Variants in MESP1 observed in about 807,000 individuals in gnomAD.
The protein encoded by MESP1 is mesoderm posterior bHLH transcription factor 1, also known as mesoderm posterior protein 1.
In MESP1, 22 loss-of-function variants were observed where a neutral mutation model predicts 15.2. The ratio of observed to expected loss-of-function variants is 1.45; its 90% confidence interval spans 1.04 to 2.07. The LOEUF (loss-of-function observed/expected upper bound fraction) is 2.07, where lower values mean the gene tolerates loss of function less well. Among genes scored for constraint, MESP1 ranks in the 30% most tolerant of loss-of-function variants. MESP1 has a pLI of 0.00. For synonymous variants in MESP1, 216 were observed against 192.6 expected, an observed-to-expected ratio of 1.12 and a Z score of -1.01; for missense variants, 484 against 411.9, an observed-to-expected ratio of 1.17 and a Z score of -1.51.
chr15:89,748,582 A>G (rs532260993), downstream of MESP1: 7 of 152,378 alleles, frequency 4.6e-5, no homozygotes, highest in South Asian at 1.2e-3. Context: ...AATAAAAAGA[A>G]ACGAAGTTCT....
At chr15:89,748,174 G>A (rs565019312), downstream of MESP1, among the ~76,000 whole-genome samples, 36 of 152,344 alleles carry the variant, frequency 2.4e-4, no homozygotes, top group East Asian at 5.8e-4. Flanking sequence ...ATTCTAAAAC[G>A]CAGGGCCTTT....
chr15:89,735,697 G>T, the MESP1 span: 1 of 806,070 alleles, frequency 1.2e-6, no homozygotes, highest in Non-Finnish European at 2.0e-6. Flanking sequence ...CAAATAGAAA[G>T]AGAAAGAACC....
the MESP1 span, chr15:89,743,305 G>T: frequency 6.2e-7 from 1 of 1,614,202 alleles, no homozygotes; most frequent in Non-Finnish European, 8.5e-7. Context: ...TCGGAAGCTG[G>T]AGAAGAACCC....
At chr15:89,747,687 C>A (rs988172859), downstream of MESP1, among the ~76,000 whole-genome samples, 2 of 152,216 alleles carry the variant, frequency 1.3e-5, no homozygotes, top group African/African-American at 4.8e-5. Flanking sequence ...ATTACGCACA[C>A]AGGTCTGGAG....
chr15:89,737,489 C>T, the MESP1 span: 4 of 1,543,900 alleles, frequency 2.6e-6, no homozygotes, highest in East Asian at 6.8e-5. Context: ...TTCTCTCATT[C>T]CTTACTGGGG....
downstream of MESP1, among the ~76,000 whole-genome samples, chr15:89,746,782 T>C (rs1216191437): frequency 2.5e-4 from 9 of 35,326 alleles, no homozygotes; most frequent in Admixed American, 1.3e-3. Flanking sequence ...CACACAGCCC[T>C]ACCTCCCCAC....
At chr15:89,747,164 G>C (rs1967987138), downstream of MESP1, among the ~76,000 whole-genome samples, 1 of 148,426 alleles carries the variant, frequency 6.7e-6, no homozygotes, top group South Asian at 2.1e-4. Flanking sequence ...CTTGCTGCCA[G>C]GGCTCTTGCA....
chr15:89,743,712 T>G, the MESP1 span: 6 of 311,362 alleles, frequency 1.9e-5, no homozygotes, highest in South Asian at 2.5e-4. Flanking sequence ...GATGATGGTT[T>G]CAACCAGAGT....
intron 1 of MESP1, 91 bp from the exon 2 acceptor site, chr15:89,750,318 T>C (rs933430171): frequency 6.4e-7 from 1 of 1,567,624 alleles, no homozygotes; most frequent in African/African-American, 1.4e-5. Flanking sequence ...AGGGGGCCCC[T>C]AGCGAGGGGA....
At chr15:89,748,866 T>C (rs1042935368), downstream of MESP1, 1 of 152,292 alleles carries the variant, frequency 6.6e-6, no homozygotes, top group East Asian at 1.9e-4. Context: ...AGCCATTCAG[T>C]TGTTAAAAGA....
chr15:89,738,446 G>A, the MESP1 span, among the ~76,000 whole-genome samples: 3 of 152,052 alleles, frequency 2.0e-5, no homozygotes, highest in African/African-American at 4.8e-5. Context: ...GGTCAACATG[G>A]TGAAACCCCG....
chr15:89,736,450 C>G, the MESP1 span, among the ~76,000 whole-genome samples: 5,779 of 152,028 alleles, frequency 0.038, 398 homozygotes, highest in African/African-American at 0.13. Flanking sequence ...TGAAGTGGGG[C>G]GTACAGCAGG....
the MESP1 span, chr15:89,735,691 T>C: frequency 1.2e-6 from 1 of 858,134 alleles, no homozygotes; most frequent in South Asian, 1.6e-5. Context: ...GGTTTACAAA[T>C]AGAAAGAGAA....
chr15:89,738,064 T>C, the MESP1 span: 11 of 1,612,758 alleles, frequency 6.8e-6, no homozygotes, highest in South Asian at 1.1e-4. Context: ...TGAAACTGCG[T>C]CCACCGACGA....
the MESP1 span, chr15:89,743,189 A>C: frequency 8.8e-7 from 1 of 1,131,444 alleles, no homozygotes. Flanking sequence ...GTGTCCTCTT[A>C]GAGTTTCTCA....
the MESP1 span, among the ~76,000 whole-genome samples, chr15:89,735,232 G>C: frequency 1.3e-5 from 2 of 152,118 alleles, no homozygotes; most frequent in African/African-American, 4.8e-5. Flanking sequence ...GTTCACAAGA[G>C]CCATACATGT....
At position 89,749,955 on chromosome 15, in the gene MESP1, A is replaced by G. The variant is rs1453974295; in HGVS notation, c.*189T>C. The G allele has an allele frequency of 4.4e-5, 27 of 615,120 alleles. No individual in the cohort carries two copies. Among genetic ancestry groups the G allele is most frequent in the African/African-American group, 1.5e-4 (8 of 54,306 alleles). 38.1% of individuals were successfully genotyped at this position (615,120 alleles called of 1,614,324 possible). A position where few individuals can be genotyped will look rare whatever the true frequency, so the allele number is the denominator to read the frequency against. On this transcript the variant is annotated 3_prime_UTR_variant, in exon 2 of 2. Transcript: ENST00000300057. ...TGCTTGCCTCAAAGTGTCTAGCCCTATGGGTCCCTCCATGGAGGGAGGGGC... is the reference window on the plus strand; with the variant it reads ...TGCTTGCCTCAAAGTGTCTAGCCCTGTGGGTCCCTCCATGGAGGGAGGGGC...
chr15:89,747,803 G>T (rs566310828), downstream of MESP1, among the ~76,000 whole-genome samples: 3 of 152,218 alleles, frequency 2.0e-5, no homozygotes, highest in Non-Finnish European at 2.9e-5. Flanking sequence ...CTTGCAGCGG[G>T]GCTGAGAACT....
the MESP1 span, among the ~76,000 whole-genome samples, chr15:89,733,439 T>A: frequency 6.6e-6 from 1 of 152,156 alleles, no homozygotes; most frequent in African/African-American, 2.4e-5. Flanking sequence ...GGTTTGACTC[T>A]CCCCTCCAAA....
Sources: gnomAD v4.1 joint callset for allele counts (sites outside exome capture counted in the v4.1 genomes callset) on GRCh38, gnomAD v4.1.1 for gene constraint, MANE v1.5 for transcripts, NCBI Gene and HGNC (gene_info 2026-07-23, HGNC 2026-07-21) for gene names.